The following SCAI variants were observed in gnomAD, a reference collection of about 807,000 sequenced individuals.
SCAI encodes protein SCAI.
Under a neutral mutation model 92.2 loss-of-function variants are expected in SCAI, and 24 were observed. The ratio of observed to expected loss-of-function variants is 0.26; its 90% CI spans 0.19 to 0.37. The LOEUF is 0.37. Ranked by LOEUF, SCAI falls within the 10% of genes least tolerant of loss-of-function variation. The pLI is 1.00. For synonymous variants in SCAI, 261 were observed against 258.6 expected, an observed-to-expected ratio of 1.01 and a Z score of -0.09; for missense variants, 450 against 736.2, an observed-to-expected ratio of 0.61 and a Z score of 4.50.
chr9:125,114,584 T>C (rs1161262791), intron 2 of SCAI, among the ~76,000 whole-genome samples: 1 of 152,110 alleles, frequency 6.6e-6, no homozygotes, highest in Non-Finnish European at 1.5e-5. Context: ...AGAATTTCTT[T>C]AGCTATATAA....
At chr9:125,013,407 C>G (rs1026458115) in intron 9 of SCAI, among the ~76,000 whole-genome samples, 1 of 151,864 alleles carries the variant, frequency 6.6e-6, no homozygotes, top group Non-Finnish European at 1.5e-5. Flanking sequence ...TACACCTCTA[C>G]GCAAATAAAC....
At chr9:124,964,914 T>A (rs1831508634) in intron 17 of SCAI, among the ~76,000 whole-genome samples, 1 of 152,162 alleles carries the variant, frequency 6.6e-6, no homozygotes, top group Admixed American at 6.5e-5. Context: ...CAAGTGCATT[T>A]GCACAAAATA....
At chr9:125,066,117 A>G in intron 2 of SCAI, 1 of 656,240 alleles carries the variant, frequency 1.5e-6, no homozygotes, top group Admixed American at 2.7e-5. Flanking sequence ...TTTGTACATA[A>G]CATGAACATT....
intron 2 of SCAI, among the ~76,000 whole-genome samples, chr9:125,115,138 C>T (rs575956904): frequency 1.4e-4 from 22 of 151,880 alleles, no homozygotes; most frequent in African/African-American, 4.8e-4. Context: ...TTCAGGAGGC[C>T]GAGGTGGGCG....
intron 3 of SCAI, among the ~76,000 whole-genome samples, chr9:125,032,616 CTTT>C (rs35384919): frequency 7.6e-6 from 1 of 130,992 alleles, no homozygotes; most frequent in Admixed American, 8.0e-5. Flanking sequence ...TAATATTATG[CTTT>C]TTTTTTTTTT....
intron 17 of SCAI, among the ~76,000 whole-genome samples, chr9:124,955,854 A>C (rs1831308407): frequency 1.3e-5 from 2 of 152,250 alleles, no homozygotes; most frequent in Non-Finnish European, 2.9e-5. Flanking sequence ...TCAAGGCACA[A>C]ATTATCAAAA....
chr9:124,968,747 A>G, intron 17 of SCAI: 1 of 1,225,176 alleles, frequency 8.2e-7, no homozygotes, highest in African/African-American at 1.5e-5. Context: ...GGTTGAGGCC[A>G]TGGAGGTTCA....
intron 17 of SCAI, among the ~76,000 whole-genome samples, chr9:124,966,792 T>TC (rs371624162): frequency 0.031 from 4,776 of 152,122 alleles, 197 homozygotes; most frequent in Admixed American, 0.09. Flanking sequence ...GTTTTTTTTT[T>TC]CTAAGAGATA....
intron 13 of SCAI, among the ~76,000 whole-genome samples, chr9:124,997,887 A>G (rs1385124754): frequency 6.6e-6 from 1 of 151,660 alleles, no homozygotes. Flanking sequence ...AAAAAAAAAA[A>G]AAAAGAAAAG....
chr9:124,997,483 A>G (rs1832262979), intron 13 of SCAI, among the ~76,000 whole-genome samples: 2 of 152,314 alleles, frequency 1.3e-5, no homozygotes, highest in African/African-American at 4.8e-5. Flanking sequence ...AAAGTTTTAG[A>G]CCAGTCCAGT....
At chr9:124,995,610 C>A (rs1362082682) in intron 13 of SCAI, among the ~76,000 whole-genome samples, 3 of 151,988 alleles carry the variant, frequency 2.0e-5, no homozygotes, top group African/African-American at 7.2e-5. Flanking sequence ...CCACCTCAGC[C>A]TCCTTGAGTA....
At chr9:124,987,072 G>A (rs1481929235) in intron 14 of SCAI, among the ~76,000 whole-genome samples, 2 of 152,122 alleles carry the variant, frequency 1.3e-5, no homozygotes, top group South Asian at 2.1e-4. Context: ...TCGCTCTGTC[G>A]CCCAGGCTGG....
intron 2 of SCAI, among the ~76,000 whole-genome samples, chr9:125,125,909 T>TACAC (rs10554292): frequency 0.089 from 12,337 of 137,864 alleles, 664 homozygotes; most frequent in East Asian, 0.18. Flanking sequence ...TGCGTACACG[T>TACAC]ACACACACAC....
chr9:124,959,483 T>TAC (rs57538134), intron 17 of SCAI, among the ~76,000 whole-genome samples: 14 of 141,844 alleles, frequency 9.9e-5, no homozygotes, highest in South Asian at 2.2e-4. Context: ...TATATATATA[T>TAC]ACACACACAC....
chr9:124,990,391 A>G (rs1199851049), intron 14 of SCAI, among the ~76,000 whole-genome samples: 2 of 152,168 alleles, frequency 1.3e-5, no homozygotes, highest in Non-Finnish European at 2.9e-5. Flanking sequence ...AGAGAGGCTG[A>G]GGCAGGAGAA....
chr9:125,047,832 TATG>T (rs1440738090), intron 3 of SCAI, among the ~76,000 whole-genome samples: 4 of 152,240 alleles, frequency 2.6e-5, no homozygotes, highest in Non-Finnish European at 5.9e-5. Flanking sequence ...TCTATCGATT[TATG>T]ATGAAGTAGA....
intron 2 of SCAI, among the ~76,000 whole-genome samples, chr9:125,112,037 G>A (rs113040403): frequency 2.6e-5 from 4 of 152,198 alleles, no homozygotes; most frequent in African/African-American, 9.6e-5. Context: ...GGATTAGAGG[G>A]AACAGTGCCT....
intron 13 of SCAI, among the ~76,000 whole-genome samples, chr9:124,995,775 G>A (rs764156916): frequency 5.9e-5 from 9 of 152,162 alleles, no homozygotes; most frequent in African/African-American, 1.4e-4. Context: ...ATGGGCATGA[G>A]TCACTGTGCC....
At chr9:124,979,642 GGAGA>G (rs1831837729) in intron 14 of SCAI, among the ~76,000 whole-genome samples, 1 of 152,270 alleles carries the variant, frequency 6.6e-6, no homozygotes, top group Admixed American at 6.5e-5. Context: ...TTATCTATAG[GGAGA>G]GATAGGAATT....
Sources: allele counts gnomAD v4.1 joint callset (sites outside exome capture counted in the v4.1 genomes callset), GRCh38; gene constraint gnomAD v4.1.1; transcripts MANE v1.5; gene names NCBI Gene and HGNC (gene_info 2026-07-23, HGNC 2026-07-21).